SLC29A1: variants seen among roughly 807,000 people sequenced by gnomAD.
SLC29A1 encodes solute carrier family 29 member 1 (Augustine blood group).
A neutral mutation model predicts 48.3 loss-of-function variants in SLC29A1; 22 were observed. The observed-to-expected ratio is 0.46, with a 90% confidence interval of 0.33 to 0.65. The LOEUF (loss-of-function observed/expected upper bound fraction) is 0.65, where lower values mean the gene tolerates loss of function less well. Ranked by LOEUF, SLC29A1 falls within the 30% of genes least tolerant of loss-of-function variation. The pLI is 0.03. For missense variants in SLC29A1, 491 were observed against 575.3 expected (o/e 0.85, Z 1.50); for synonymous variants, 228 against 231.0 (o/e 0.99, Z 0.12).
chr6:44,221,723 T>C (rs1776451206), upstream of SLC29A1: 1 of 1,098,288 alleles, frequency 9.1e-7, no homozygotes, highest in African/African-American at 1.6e-5. This position sits in a 1 kb window ranked among gnomAD's most constrained non-coding sequence, Gnocchi z 4.2. Flanking sequence ...CAGGGGGCCC[T>C]GGCACCCAGC....
At chr6:44,230,742 C>T (rs562072844) in intron 7 of SLC29A1, 69 bp from the exon 8 acceptor site, 1 of 1,579,046 alleles carries the variant, frequency 6.3e-7, no homozygotes, top group Non-Finnish European at 8.7e-7. Context: ...GAGGACAAAA[C>T]CTGAAGGAGG....
At position 44,230,597 on chromosome 6, in the gene SLC29A1, G is replaced by C. The variant is rs369022767; in HGVS notation, c.619G>C (p.Gly207Arg). The change falls in exon 7 of 13, where the codon GGC (glycine) becomes CGC (arginine). Residue 207 changes from glycine to arginine, a missense_variant. By Grantham distance (125) the Gly-to-Arg change is moderately radical. Transcript: ENST00000371755. ...SGSELSESAF[G>R]YFITACAVII... ...CTCGGAGCTATCAGAAAGTGCCTTC[G>C]GCTACTTTATCACAGCCTGTGCTGT... 1 of 1,613,930 alleles carries C rather than the reference G, an allele frequency of 6.2e-7. No individual in the cohort carries two copies. The highest frequency in any genetic ancestry group is 2.2e-5 in the East Asian group (1 of 44,868).
In SLC29A1 at chr6:44,232,975, C is replaced by T. The variant is rs758014336; in HGVS notation, c.1228C>T (p.Leu410Phe). 7 of 1,613,440 alleles carry T rather than the reference C, an allele frequency of 4.3e-6. No individual in the cohort carries two copies. Among genetic ancestry groups the T allele is most frequent in the African/African-American group, 1.3e-5 (1 of 74,940 alleles). The change falls in exon 12 of 13, where the codon CTC becomes TTC. Residue 410 changes from leucine to phenylalanine, a missense_variant. Physicochemically the swap from Leu to Phe is conservative, Grantham distance 22. Transcript: ENST00000371755. The surrounding 1 kb of genome is among the most constrained non-coding windows in gnomAD (Gnocchi z 4.7). ...MAAFAFSNGY[L>F]ASLCMCFGPK... ...TGCCTTTGCCTTCTCCAACGGCTAC[C>T]TCGCCAGCCTCTGCATGTGCTTCGG... is the stretch of plus-strand genomic sequence containing the variant.
chr6:44,230,722 C>T lies in SLC29A1; in HGVS notation c.687+57C>T, dbSNP rs374578339. The T allele has an allele frequency of 2.3e-4, 360 of 1,552,398 alleles. 2 individuals are homozygous for T. In the South Asian group the frequency reaches 3.4e-3, roughly 15 times the overall value. On this transcript the variant is annotated intron_variant, in intron 7 of 12. Transcript: ENST00000371755. The stretch of plus-strand genomic sequence containing the variant: ...TATAGGGGTCTGGGGTTCCAGACCA[C>T]GGGTGTTCTGAGGACAAAACCTGAA...
Position 44,232,225 on chromosome 6 carries a change from C to G in SLC29A1, c.974-118C>G. The G allele has an allele frequency of 8.7e-7, 1 of 1,154,434 alleles. No individual in the cohort carries two copies. The highest frequency in any genetic ancestry group is 1.3e-6 in the Non-Finnish European group (1 of 763,494). 71.5% of individuals were successfully genotyped at this position (1,154,434 alleles called of 1,614,324 possible). A position where few individuals can be genotyped will look rare whatever the true frequency, so the allele number is the denominator to read the frequency against. Reference sequence around the variant, plus strand: ...CGTTTCCTGGGTCCATTTGCCCTTCCCTGGGCTGGAAGCATCTTCTCCATT... The same window carrying G: ...CGTTTCCTGGGTCCATTTGCCCTTCGCTGGGCTGGAAGCATCTTCTCCATT... On this transcript the variant is annotated intron_variant, in intron 10 of 12. Coordinates refer to ENST00000371755, the MANE Select transcript of SLC29A1 (RefSeq NM_001372327.1). The surrounding 1 kb of genome is among the most constrained non-coding windows in gnomAD (Gnocchi z 4.7).
At position 44,229,610 on chromosome 6, in the gene SLC29A1, A is replaced by G; in HGVS notation, c.133A>G (p.Met45Val). 1 of 1,614,144 alleles carries G rather than the reference A, an allele frequency of 6.2e-7. No individual in the cohort carries two copies. Among genetic ancestry groups the G allele is most frequent in the Non-Finnish European group, 8.5e-7 (1 of 1,180,018 alleles). Residue 45 changes from methionine to valine, a missense_variant, in exon 4 of 13, where the codon ATG becomes GTG. Transcript: ENST00000371755. This position sits in a 1 kb window ranked among gnomAD's most constrained non-coding sequence, Gnocchi z 5.1. ...ATQYFTNRLD[M>V]SQNVSLVTAE... ...GCAGTATTTCACAAACCGCCTGGAC[A>G]TGTCCCAGAATGTGTCCTTGGTCAC...
At position 44,232,784 on chromosome 6, in the gene SLC29A1, G is replaced by A. The variant is rs749056309; in HGVS notation, c.1060-23G>A. ...GTGCCCTGGGGTGGCGGCCTGGGCT[G>A]AGGCCCTGCCTGGTGCCCACAGCCT... On this transcript the variant is annotated intron_variant, in intron 11 of 12. Transcript: ENST00000371755. The surrounding 1 kb of genome is among the most constrained non-coding windows in gnomAD (Gnocchi z 4.7). 1 of 1,604,048 alleles carries A rather than the reference G, an allele frequency of 6.2e-7. No individual in the cohort carries two copies.
chr6:44,222,341 C>A (rs1043984561), upstream of SLC29A1, among the ~76,000 whole-genome samples: 1 of 151,956 alleles, frequency 6.6e-6, no homozygotes, highest in Non-Finnish European at 1.5e-5. Context: ...CTGGGGACAC[C>A]CATTCTGGAG....
chr6:44,222,930 C>A (rs909981743), upstream of SLC29A1, among the ~76,000 whole-genome samples: 1 of 152,242 alleles, frequency 6.6e-6, no homozygotes, highest in African/African-American at 2.4e-5. Flanking sequence ...CGCGCACACG[C>A]AAGCACAGGC....
At chr6:44,219,789 G>T, upstream of SLC29A1, 1 of 1,283,552 alleles carries the variant, frequency 7.8e-7, no homozygotes, top group Non-Finnish European at 1.0e-6. Flanking sequence ...GCAGGTGCGC[G>T]GGGCGGGGCC....
At chr6:44,221,294 A>C (rs1776389758), upstream of SLC29A1, among the ~76,000 whole-genome samples, 1 of 152,172 alleles carries the variant, frequency 6.6e-6, no homozygotes, top group Admixed American at 6.5e-5. This position sits in a 1 kb window ranked among gnomAD's most constrained non-coding sequence, Gnocchi z 4.2. Context: ...GGCCATGGAG[A>C]TACAGTCACA....
upstream of SLC29A1, chr6:44,219,632 G>A (rs1254322577): frequency 1.7e-5 from 19 of 1,132,318 alleles, no homozygotes; most frequent in Non-Finnish European, 2.2e-5. Context: ...CCGCCCGGCG[G>A]CCCACACCGG....
chr6:44,230,152 G>A (rs769543654), intron 5 of SLC29A1, 106 bp downstream of exon 5: 4 of 1,518,668 alleles, frequency 2.6e-6, no homozygotes, highest in Non-Finnish European at 3.6e-6. Context: ...TCCGCCTGGA[G>A]GGAGTGGATG....
rs199998225 is a variant in SLC29A1 at position 44,229,566 on chromosome 6, A to T, written c.112-23A>T. The T allele has an allele frequency of 6.2e-7, 1 of 1,611,982 alleles. No individual in the cohort carries two copies. Among genetic ancestry groups the T allele is most frequent in the Non-Finnish European group, 8.5e-7 (1 of 1,178,640 alleles). Reference sequence around the variant, plus strand: ...TAGGCACAGGGAAAGAGATTTCAACACTCCTCTCTGCAACCCCTGCAGTAT... The same window carrying T: ...TAGGCACAGGGAAAGAGATTTCAACTCTCCTCTCTGCAACCCCTGCAGTAT... On this transcript the variant is annotated intron_variant, in intron 3 of 12. Coordinates refer to ENST00000371755, the MANE Select transcript of SLC29A1 (RefSeq NM_001372327.1). This position sits in a 1 kb window ranked among gnomAD's most constrained non-coding sequence, Gnocchi z 5.1.
chr6:44,221,734 A>C, upstream of SLC29A1: 2 of 985,508 alleles, frequency 2.0e-6, no homozygotes, highest in Non-Finnish European at 2.8e-6. The surrounding 1 kb of genome is among the most constrained non-coding windows in gnomAD (Gnocchi z 4.2). Context: ...GGCACCCAGC[A>C]ACCTCTGCTT....
Position 44,230,821 on chromosome 6 carries a change from G to A in SLC29A1, c.698G>A (p.Arg233His), listed in dbSNP as rs761058797. Residue 233 changes from arginine (R) to histidine (H), a missense_variant, in exon 8 of 13, where the codon CGC becomes CAC. By Grantham distance (29) the Arg-to-His change is conservative (BLOSUM62 0). Coordinates refer to ENST00000371755, the MANE Select transcript of SLC29A1 (RefSeq NM_001372327.1). ...YLGLPRLEFY[R>H]YYQQLKLEGP... ...TCCCTTACTTGATAGGAATTCTACC[G>A]CTACTACCAGCAGCTCAAGCTTGAA... The A allele has an allele frequency of 5.6e-6, 9 of 1,613,872 alleles. No homozygotes were observed. Among genetic ancestry groups the A allele is most frequent in the East Asian group, 2.2e-5 (1 of 44,874 alleles).
intron 1 of SLC29A1, among the ~76,000 whole-genome samples, chr6:44,224,256 T>C (rs371582888): frequency 2.0e-5 from 3 of 151,586 alleles, no homozygotes; most frequent in East Asian, 3.9e-4. Context: ...CCCTCACACC[T>C]CTAGGGGTCT....
In SLC29A1 at chr6:44,230,872, T is replaced by C. The variant is rs1333777931; in HGVS notation, c.749T>C (p.Leu250Ser). The C allele has an allele frequency of 2.2e-5, 36 of 1,613,912 alleles. No homozygotes were observed. The highest frequency in any genetic ancestry group is 3.1e-5 in the Non-Finnish European group (36 of 1,179,950). ...LEGPGEQETK[L>S]DLISKGEEPR... ...GGACCCGGGGAGCAGGAGACCAAGT[T>C]GGACCTCATTAGCAAAGGTCCGAAG... Residue 250 changes from leucine to serine, a missense_variant, in exon 8 of 13, where the codon TTG (leucine) becomes TCG (serine). Physicochemically the swap from Leu to Ser is moderately radical, Grantham distance 145. Coordinates refer to ENST00000371755, the MANE Select transcript of SLC29A1 (RefSeq NM_001372327.1).
chr6:44,230,899 G>A lies in SLC29A1; in HGVS notation c.766+10G>A. 2 of 1,609,886 alleles carry A rather than the reference G, an allele frequency of 1.2e-6. No individual in the cohort carries two copies. Among genetic ancestry groups the A allele is most frequent in the East Asian group, 2.2e-5 (1 of 44,872 alleles). On this transcript the variant is annotated intron_variant, in intron 8 of 12. Transcript: ENST00000371755. ...GACCTCATTAGCAAAGGTCCGAAGAGCCTGAGGAAGCTGGGGTGGAGGATG... is the reference window on the plus strand; with the variant it reads ...GACCTCATTAGCAAAGGTCCGAAGAACCTGAGGAAGCTGGGGTGGAGGATG...
Sources: allele counts gnomAD v4.1 joint callset (sites outside exome capture counted in the v4.1 genomes callset), GRCh38; gene constraint gnomAD v4.1.1; non-coding constraint Gnocchi (gnomAD v3.1); transcripts MANE v1.5; gene names NCBI Gene and HGNC (gene_info 2026-07-23, HGNC 2026-07-21).